PDE3A: variants seen among roughly 807,000 people sequenced by gnomAD.
PDE3A encodes the protein cGMP-inhibited 3',5'-cyclic phosphodiesterase 3A.
PDE3A carries 43 observed loss-of-function variants against 98.3 expected under a neutral mutation model. That is an observed-to-expected ratio of 0.44 (90% CI 0.34 to 0.56). The LOEUF (loss-of-function observed/expected upper bound fraction) is 0.56, where lower values mean the gene tolerates loss of function less well. Ranked by LOEUF, PDE3A falls within the 20% of genes least tolerant of loss-of-function variation. PDE3A has a pLI of 0.01. For missense variants in PDE3A, 1,427 were observed against 1,440.7 expected (o/e 0.99, Z 0.15); for synonymous variants, 663 against 567.9 (o/e 1.17, Z -2.38).
At chr12:20,413,745 T>A (rs1297353260) in intron 1 of PDE3A, among the ~76,000 whole-genome samples, 1 of 152,000 alleles carries the variant, frequency 6.6e-6, no homozygotes, top group Non-Finnish European at 1.5e-5. Flanking sequence ...CCTATTATGG[T>A]GTGATTTGTG....
At chr12:20,618,057 G>A (rs771960672) in intron 4 of PDE3A, among the ~76,000 whole-genome samples, 8 of 151,986 alleles carry the variant, frequency 5.3e-5, no homozygotes, top group Non-Finnish European at 1.0e-4. Flanking sequence ...GAAAATACTC[G>A]TAGATGTCTT....
Position 20,636,931 on chromosome 12 carries a change from G to A in PDE3A, c.2002-169G>A, listed in dbSNP as rs542535027. The stretch of plus-strand genomic sequence containing the variant: ...TTGTTCCTTTCCTTCTTACTTTGGC[G>A]TCAATGTCTCGTTCATGTTGACTTT... On this transcript the variant is annotated intron_variant, in intron 8 of 15. Transcript: ENST00000359062. Among the ~76,000 whole-genome samples the A allele has an allele frequency of 4.6e-5, 7 of 152,202 alleles. No individual in the cohort carries two copies. The South Asian group carries it at 1.0e-3, about 23-fold the overall frequency.
chr12:20,513,203 T>C (rs566970830), intron 1 of PDE3A, among the ~76,000 whole-genome samples: 1 of 152,278 alleles, frequency 6.6e-6, no homozygotes, highest in East Asian at 1.9e-4. Context: ...ATGTTTATAG[T>C]CATTCGATGC....
intron 1 of PDE3A, among the ~76,000 whole-genome samples, chr12:20,499,715 A>T (rs1945986933): frequency 6.6e-6 from 1 of 152,160 alleles, no homozygotes; most frequent in South Asian, 2.1e-4. Flanking sequence ...ATTTGTATGC[A>T]CTAATGCACA....
intron 1 of PDE3A, among the ~76,000 whole-genome samples, chr12:20,540,513 G>A (rs1941866278): frequency 6.6e-6 from 1 of 152,002 alleles, no homozygotes; most frequent in African/African-American, 2.4e-5. Context: ...ACCAGAAACA[G>A]CACAGGAATA....
At chr12:20,389,796 C>G (rs1943880602) in intron 1 of PDE3A, among the ~76,000 whole-genome samples, 1 of 152,004 alleles carries the variant, frequency 6.6e-6, no homozygotes, top group African/African-American at 2.4e-5. Context: ...CTGTCACCCT[C>G]TTAACATGGA....
intron 15 of PDE3A, among the ~76,000 whole-genome samples, chr12:20,658,846 GA>G (rs1385626645): frequency 1.5e-4 from 23 of 152,302 alleles, no homozygotes; most frequent in African/African-American, 5.5e-4. Flanking sequence ...GAGGGGCAGA[GA>G]AAGAATTTGC....
Position 20,518,785 on chromosome 12 carries a change from CTTTTA to C in PDE3A, c.961-37871_961-37867del, listed in dbSNP as rs531429974. Reference sequence around the variant, plus strand: ...CATAATCAGATTTTTTTAAAAAAGACTTTTATTTAATTCTCCAGACGCAACACTTA... The same window carrying C: ...CATAATCAGATTTTTTTAAAAAAGACTTTAATTCTCCAGACGCAACACTTA... On this transcript the variant is annotated intron_variant, in intron 1 of 15. Coordinates refer to ENST00000359062, the MANE Select transcript of PDE3A (RefSeq NM_000921.5). Among the ~76,000 whole-genome samples the C allele has an allele frequency of 3.2e-4, 49 of 152,196 alleles. No individual in the cohort carries two copies. The East Asian group carries it at 5.6e-3, about 17-fold the overall frequency.
At chr12:20,625,896 T>C (rs1244469373) in intron 5 of PDE3A, among the ~76,000 whole-genome samples, 2 of 152,184 alleles carry the variant, frequency 1.3e-5, no homozygotes, top group African/African-American at 2.4e-5. Flanking sequence ...GTTTGAATCA[T>C]TCAAAAATTT....
chr12:20,455,642 G>A (rs1032760912), intron 1 of PDE3A, among the ~76,000 whole-genome samples: 1 of 152,172 alleles, frequency 6.6e-6, no homozygotes, highest in African/African-American at 2.4e-5. Context: ...CTGCCTTTCA[G>A]TAAATCCCTG....
At chr12:20,481,409 CATG>C (rs1945622897) in intron 1 of PDE3A, among the ~76,000 whole-genome samples, 1 of 152,114 alleles carries the variant, frequency 6.6e-6, no homozygotes, top group Non-Finnish European at 1.5e-5. Context: ...AATTATTAAA[CATG>C]ATTATTTGCT....
intron 1 of PDE3A, among the ~76,000 whole-genome samples, chr12:20,522,219 C>T (rs1200812859): frequency 6.6e-6 from 1 of 152,122 alleles, no homozygotes; most frequent in East Asian, 1.9e-4. Flanking sequence ...GATACAGTGA[C>T]CATCAACACA....
intron 1 of PDE3A, among the ~76,000 whole-genome samples, chr12:20,535,949 T>C (rs1263883404): frequency 1.3e-5 from 2 of 152,080 alleles, no homozygotes; most frequent in Non-Finnish European, 2.9e-5. Flanking sequence ...TAGTTTAAAA[T>C]AACAAATCCA....
At chr12:20,615,091 C>T (rs569066592) in intron 3 of PDE3A, among the ~76,000 whole-genome samples, 12 of 122,356 alleles carry the variant, frequency 9.8e-5, no homozygotes, top group East Asian at 8.1e-4. Context: ...GCGTGATTTT[C>T]GCTCACTGCA....
intron 1 of PDE3A, among the ~76,000 whole-genome samples, chr12:20,376,410 G>A (rs1444334661): frequency 2.0e-5 from 3 of 151,824 alleles, no homozygotes; most frequent in Non-Finnish European, 4.4e-5. Context: ...TTCCCATGGA[G>A]CCAACTCTAA....
rs367608655 is a variant in PDE3A, at chr12:20,639,956, T to C, written c.2250T>C (p.Pro750=). 4.1e-6 allele frequency: 5 copies of C among 1,220,446 alleles called. No homozygotes were observed. In the African/African-American group the frequency reaches 7.4e-5, roughly 18 times the overall value. The allele number at this position is 1,220,446 out of a possible 1,614,324, so 75.6% of individuals were successfully genotyped here. A position where few individuals can be genotyped will look rare whatever the true frequency, so the allele number is the denominator to read the frequency against. Residue 750 remains proline, a splice_region_variant and synonymous_variant, in exon 10 of 16, where the codon CCT becomes CCC. Coordinates refer to ENST00000359062, the MANE Select transcript of PDE3A (RefSeq NM_000921.5). ...HALEIGYRDI[P]YHNRIHATDV... ...TGGAGATTGGATATAGGGATATTCC[T>C]TGTAAGTATATGTGATTTGTGAAAT...
chr12:20,441,446 A>G (rs575845575), intron 1 of PDE3A, among the ~76,000 whole-genome samples: 1 of 152,332 alleles, frequency 6.6e-6, no homozygotes, highest in East Asian at 1.9e-4. Flanking sequence ...AATGGGTCAT[A>G]AAATGCATTA....
intron 1 of PDE3A, among the ~76,000 whole-genome samples, chr12:20,424,106 TA>T (rs142995729): frequency 0.15 from 22,290 of 152,116 alleles, 2,114 homozygotes; most frequent in Non-Finnish European, 0.22. Flanking sequence ...AGTGCAGTAT[TA>T]AAAAAATACA....
chr12:20,479,555 G>A (rs980501168), intron 1 of PDE3A, among the ~76,000 whole-genome samples: 1 of 152,176 alleles, frequency 6.6e-6, no homozygotes. Context: ...AGTTAAAAGG[G>A]AATTAAGGAA....
Sources: allele counts gnomAD v4.1 joint callset (sites outside exome capture counted in the v4.1 genomes callset), GRCh38; gene constraint gnomAD v4.1.1; transcripts MANE v1.5; gene names NCBI Gene and HGNC (gene_info 2026-07-23, HGNC 2026-07-21).